SMAP1: variants seen among roughly 807,000 people sequenced by gnomAD.
SMAP1 encodes small ArfGAP 1.
In SMAP1, 24 loss-of-function variants were observed where a neutral mutation model predicts 58.5. The observed-to-expected ratio is 0.41, with a 90% CI of 0.30 to 0.58. SMAP1 has a LOEUF of 0.58. Among genes scored for constraint, SMAP1 ranks in the 20% least tolerant of loss-of-function variants. SMAP1 has a pLI of 0.29. For synonymous variants in SMAP1, 216 were observed against 196.6 expected (o/e 1.10, Z -0.82); for missense variants, 563 against 566.3 (o/e 0.99, Z 0.06).
At chr6:70,722,311 T>G (rs1768564387) in intron 1 of SMAP1, among the ~76,000 whole-genome samples, 1 of 152,222 alleles carries the variant, frequency 6.6e-6, no homozygotes, top group Non-Finnish European at 1.5e-5. Flanking sequence ...GCAAATTATT[T>G]TTGTTTTTGC....
intron 6 of SMAP1, among the ~76,000 whole-genome samples, chr6:70,826,807 A>G (rs377588871): frequency 3.3e-5 from 5 of 151,600 alleles, no homozygotes; most frequent in African/African-American, 7.3e-5. Context: ...GTGCACGCCT[A>G]CAGTCCCAGC....
chr6:70,771,381 C>G (rs1767299787), intron 3 of SMAP1, among the ~76,000 whole-genome samples: 1 of 152,228 alleles, frequency 6.6e-6, no homozygotes, highest in Admixed American at 6.5e-5. Flanking sequence ...CGGCAGGCCT[C>G]CTTGAGCTGT....
chr6:70,683,235 G>A lies in SMAP1; in HGVS notation c.118+15094G>A, dbSNP rs9455207. Among the ~76,000 whole-genome samples the A allele has an allele frequency of 6.2e-3, 899 of 143,990 alleles. 6 individuals are homozygous for A. The highest frequency in any genetic ancestry group is 0.022 in the African/African-American group (858 of 38,748). 94.5% of individuals were successfully genotyped at this position (143,990 alleles called of 152,430 possible). On this transcript the variant is annotated intron_variant, in intron 1 of 10. Coordinates refer to ENST00000370455, the MANE Select transcript of SMAP1 (RefSeq NM_001044305.3). ...GCCCAGGCTGGAGTGCAGTGGCACAGTCTCAGCTCATTGCAACCTCCGCCT... is the reference window on the plus strand; with the variant it reads ...GCCCAGGCTGGAGTGCAGTGGCACAATCTCAGCTCATTGCAACCTCCGCCT...
At chr6:70,798,821 T>A in intron 6 of SMAP1, 84 bp downstream of exon 6, 1 of 1,060,940 alleles carries the variant, frequency 9.4e-7, no homozygotes, top group Non-Finnish European at 1.3e-6. Context: ...TGGATATTTA[T>A]AATATGTAAA....
intron 1 of SMAP1, among the ~76,000 whole-genome samples, chr6:70,705,662 A>G (rs928057104): frequency 6.6e-6 from 1 of 152,212 alleles, no homozygotes; most frequent in Admixed American, 6.5e-5. Flanking sequence ...GAAACATTCT[A>G]TTACTTAAAG....
intron 3 of SMAP1, among the ~76,000 whole-genome samples, chr6:70,757,964 A>T (rs1207002403): frequency 6.6e-6 from 1 of 152,056 alleles, no homozygotes; most frequent in East Asian, 1.9e-4. Flanking sequence ...CAGTGTGGCG[A>T]TTCCTCAGGG....
intron 3 of SMAP1, among the ~76,000 whole-genome samples, chr6:70,771,734 C>G (rs1444482094): frequency 1.3e-5 from 2 of 152,182 alleles, no homozygotes; most frequent in Non-Finnish European, 2.9e-5. Flanking sequence ...CCTGCTTCCG[C>G]TCGCCCACGG....
chr6:70,747,522 A>G (rs1468138424), intron 2 of SMAP1, among the ~76,000 whole-genome samples: 1 of 152,208 alleles, frequency 6.6e-6, no homozygotes, highest in Admixed American at 6.5e-5. Context: ...AGCCTAGGCA[A>G]TAGATGACTA....
chr6:70,719,139 A>G (rs777155855), intron 1 of SMAP1, among the ~76,000 whole-genome samples: 1 of 152,200 alleles, frequency 6.6e-6, no homozygotes, highest in African/African-American at 2.4e-5. Context: ...GATACAGAGA[A>G]AAGTACTTGT....
intron 2 of SMAP1, among the ~76,000 whole-genome samples, chr6:70,747,309 A>AGC (rs1250778691): frequency 6.6e-6 from 1 of 152,164 alleles, no homozygotes; most frequent in Admixed American, 6.5e-5. Context: ...CGCATACCAC[A>AGC]ATGTGCTGAG....
chr6:70,679,507 A>G lies in SMAP1; in HGVS notation c.118+11366A>G, dbSNP rs1292005713. On this transcript the variant is annotated intron_variant, in intron 1 of 10. Coordinates refer to ENST00000370455, the MANE Select transcript of SMAP1 (RefSeq NM_001044305.3). ...ATCCCAAGAAATTTATAGAAAAGCT[A>G]TTAGAATGAATAATTGAGTTTATTA... Among the ~76,000 whole-genome samples the G allele has an allele frequency of 2.0e-5, 3 of 152,220 alleles. 1 individual carries two copies. Among genetic ancestry groups the G allele is most frequent in the East Asian group, 3.8e-4 (2 of 5,206 alleles).
chr6:70,859,963 G>GTAT (rs769314119), intron 10 of SMAP1: 1 of 388,478 alleles, frequency 2.6e-6, no homozygotes, highest in Non-Finnish European at 4.5e-6. Flanking sequence ...GATTGCTTTG[G>GTAT]TATTTTTTTT....
chr6:70,685,029 T>C (rs931577114), intron 1 of SMAP1, among the ~76,000 whole-genome samples: 1 of 152,206 alleles, frequency 6.6e-6, no homozygotes, highest in Non-Finnish European at 1.5e-5. Flanking sequence ...GTAATACCTG[T>C]GTCACAGGGT....
At chr6:70,738,540 C>T (rs1765702818) in intron 2 of SMAP1, among the ~76,000 whole-genome samples, 1 of 150,790 alleles carries the variant, frequency 6.6e-6, no homozygotes, top group Non-Finnish European at 1.5e-5. Flanking sequence ...ACTGGGTAGT[C>T]TTTAACTTAA....
intron 10 of SMAP1, 44 bp from the exon 11 acceptor site, chr6:70,860,156 A>G: frequency 6.5e-7 from 1 of 1,533,006 alleles, no homozygotes; most frequent in Non-Finnish European, 8.8e-7. Context: ...AAGAATTAAA[A>G]GTGAAGTAAG....
At chr6:70,792,908 A>G (rs1168953344) in intron 5 of SMAP1, among the ~76,000 whole-genome samples, 1 of 152,104 alleles carries the variant, frequency 6.6e-6, no homozygotes, top group Admixed American at 6.6e-5. Flanking sequence ...TGGGGAGTGA[A>G]TTTTGTGGTC....
chr6:70,789,724 CAAAAAAA>C (rs35376781), intron 4 of SMAP1, among the ~76,000 whole-genome samples: 1 of 73,770 alleles, frequency 1.4e-5, no homozygotes, highest in Admixed American at 1.6e-4. Flanking sequence ...GACTCTGTCT[CAAAAAAA>C]AAAAAAAAAA....
Position 70,711,330 on chromosome 6 carries a change from A to G in SMAP1, c.119-21048A>G, listed in dbSNP as rs569974835. 2.6e-5 allele frequency among the ~76,000 whole-genome samples: 4 copies of G among 152,292 alleles called. No individual in the cohort carries two copies. The South Asian group carries it at 6.2e-4, about 24-fold the overall frequency. On this transcript the variant is annotated intron_variant, in intron 1 of 10. Transcript: ENST00000370455. Reference sequence around the variant, plus strand: ...TAGGCAATAGGAATTTTTTATTTCCATAATAATCTCATGGAACTGTTACTG... The same window carrying G: ...TAGGCAATAGGAATTTTTTATTTCCGTAATAATCTCATGGAACTGTTACTG...
chr6:70,698,701 C>T (rs933042846), intron 1 of SMAP1, among the ~76,000 whole-genome samples: 1 of 152,162 alleles, frequency 6.6e-6, no homozygotes, highest in Non-Finnish European at 1.5e-5. Flanking sequence ...TTCAGTATGT[C>T]AGTTGAATTT....
Sources: gnomAD v4.1 joint callset for allele counts (sites outside exome capture counted in the v4.1 genomes callset) on GRCh38, gnomAD v4.1.1 for gene constraint, MANE v1.5 for transcripts, NCBI Gene and HGNC (gene_info 2026-07-23, HGNC 2026-07-21) for gene names.